Variants in GOT1 observed in about 807,000 individuals in gnomAD.
The protein encoded by GOT1 is aspartate aminotransferase, cytoplasmic.
Under a neutral mutation model 48.2 loss-of-function variants are expected in GOT1, and 25 were observed. The observed-to-expected ratio is 0.52, with a 90% CI of 0.38 to 0.72. GOT1 has a LOEUF of 0.72. Ranked by LOEUF, GOT1 falls within the 30% of genes least tolerant of loss-of-function variation. GOT1 has a pLI of 0.00. For missense variants in GOT1, 380 were observed against 520.1 expected, an observed-to-expected ratio of 0.73 and a Z score of 2.62; for synonymous variants, 188 against 193.8, an observed-to-expected ratio of 0.97 and a Z score of 0.25.
intron 5 of GOT1, among the ~76,000 whole-genome samples, chr10:99,404,480 C>T (rs1444467175): frequency 6.6e-6 from 1 of 152,166 alleles, no homozygotes; most frequent in African/African-American, 2.4e-5. Flanking sequence ...GCTCATCCCC[C>T]ACATCCTGGC....
chr10:99,426,259 T>G (rs914195723), intron 1 of GOT1, among the ~76,000 whole-genome samples: 5 of 152,090 alleles, frequency 3.3e-5, no homozygotes, highest in African/African-American at 1.2e-4. Context: ...ACATAAACCC[T>G]TTTAGGGGAG....
Position 99,430,624 on chromosome 10 carries a change from T to A in GOT1, c.-59A>T. On this transcript the variant is annotated 5_prime_UTR_variant, in exon 1 of 9. Transcript: ENST00000370508. ...ACGCCCGGAGCTGGCAGGTCAGGTC[T>A]GGCCGTTGCGACTGGAGGAGACACT... 7.0e-7 allele frequency: 1 copy of A among 1,427,050 alleles called. No individual in the cohort carries two copies. Among genetic ancestry groups the A allele is most frequent in the Non-Finnish European group, 9.5e-7 (1 of 1,048,304 alleles). The allele number at this position is 1,427,050 out of a possible 1,614,324, so 88.4% of individuals were successfully genotyped here.
At chr10:99,414,181 G>A (rs555682448) in intron 2 of GOT1, among the ~76,000 whole-genome samples, 2 of 152,310 alleles carry the variant, frequency 1.3e-5, no homozygotes, top group Admixed American at 6.5e-5. Context: ...TCAGTGTGCT[G>A]TATTCAGGAA....
chr10:99,398,932 A>C (rs1233963439), intron 8 of GOT1, among the ~76,000 whole-genome samples: 1 of 152,322 alleles, frequency 6.6e-6, no homozygotes, highest in African/African-American at 2.4e-5. Context: ...ATTTTCAGGC[A>C]GGATTTCAAG....
intron 1 of GOT1, among the ~76,000 whole-genome samples, chr10:99,429,316 G>A (rs2033083081): frequency 6.6e-6 from 1 of 151,398 alleles, no homozygotes; most frequent in South Asian, 2.1e-4. Flanking sequence ...CCAAAGTGCT[G>A]GGATTACAGG....
chr10:99,429,762 T>G lies in GOT1; in HGVS notation c.118+686A>C, dbSNP rs375321324. Reference sequence around the variant, plus strand: ...GAAGAGAATCACTTGAATCAAGAAATGAAGATAGGATGTGTGGAAAGTAAG... The same window carrying G: ...GAAGAGAATCACTTGAATCAAGAAAGGAAGATAGGATGTGTGGAAAGTAAG... On this transcript the variant is annotated intron_variant, in intron 1 of 8. Coordinates refer to ENST00000370508, the MANE Select transcript of GOT1 (RefSeq NM_002079.3). 5.9e-5 allele frequency among the ~76,000 whole-genome samples: 9 copies of G among 152,276 alleles called. No homozygotes were observed. The South Asian group carries it at 1.7e-3, about 28-fold the overall frequency.
At chr10:99,422,620 A>C (rs756904689) in intron 1 of GOT1, among the ~76,000 whole-genome samples, 1 of 152,056 alleles carries the variant, frequency 6.6e-6, no homozygotes, top group Non-Finnish European at 1.5e-5. Flanking sequence ...CTTATCCTCT[A>C]TCTACCTAGT....
In GOT1 at chr10:99,404,631, G is replaced by A. The variant is rs1470898314; in HGVS notation, c.643-757C>T. On this transcript the variant is annotated intron_variant, in intron 5 of 8. Transcript: ENST00000370508. ...GCAATGGTCTCCTAACTGCTCCCAC[G>A]GCCTGTCTAGTCTTGCCTCTCTCTG... 3.3e-5 allele frequency among the ~76,000 whole-genome samples: 5 copies of A among 151,962 alleles called. No homozygotes were observed. The East Asian group carries it at 5.8e-4, about 18-fold the overall frequency.
rs1320475886 is a variant in GOT1 at position 99,405,740 on chromosome 10, C to G, written c.642+16G>C. The stretch of plus-strand genomic sequence containing the variant: ...TATATACTATTTTTTAAGAGATGCT[C>G]TGAAGGGGCAGTTACCTTCATGACA... On this transcript the variant is annotated intron_variant, in intron 5 of 8. Transcript: ENST00000370508. 8.4e-7 allele frequency: 1 copy of G among 1,196,444 alleles called. No homozygotes were observed. Among genetic ancestry groups the G allele is most frequent in the South Asian group, 1.2e-5 (1 of 82,796 alleles). 74.1% of individuals were successfully genotyped at this position (1,196,444 alleles called of 1,614,324 possible).
chr10:99,427,514 C>T (rs1181331732), intron 1 of GOT1, among the ~76,000 whole-genome samples: 1 of 152,190 alleles, frequency 6.6e-6, no homozygotes, highest in Non-Finnish European at 1.5e-5. Flanking sequence ...CGTGATCCGC[C>T]CGCCTCGGCC....
intron 1 of GOT1, among the ~76,000 whole-genome samples, chr10:99,427,487 T>C (rs1207504951): frequency 6.6e-6 from 1 of 152,166 alleles, no homozygotes; most frequent in Non-Finnish European, 1.5e-5. Context: ...GCCAGGATGG[T>C]CTCAATCTCC....
chr10:99,415,126 C>T (rs1174002422), intron 2 of GOT1, among the ~76,000 whole-genome samples: 1 of 152,080 alleles, frequency 6.6e-6, no homozygotes, highest in Non-Finnish European at 1.5e-5. Flanking sequence ...ACACAAAAAA[C>T]CCTTCAAAAA....
At chr10:99,403,412 G>A (rs2032710094) in intron 7 of GOT1, 57 bp downstream of exon 7, 1 of 1,377,444 alleles carries the variant, frequency 7.3e-7, no homozygotes. Flanking sequence ...AATGTACTGG[G>A]ACAATTACTG....
intron 2 of GOT1, among the ~76,000 whole-genome samples, chr10:99,419,997 T>A (rs564573430): frequency 1.3e-5 from 2 of 152,142 alleles, no homozygotes; most frequent in Non-Finnish European, 2.9e-5. Context: ...AAATGATAGG[T>A]GCTGAGATCA....
intron 2 of GOT1, among the ~76,000 whole-genome samples, chr10:99,408,868 TA>T (rs939767860): frequency 6.6e-6 from 1 of 152,202 alleles, no homozygotes; most frequent in Admixed American, 6.5e-5. Context: ...AAGATGAATG[TA>T]TTCATGTATT....
At chr10:99,419,667 C>A (rs892316982) in intron 2 of GOT1, among the ~76,000 whole-genome samples, 12 of 152,152 alleles carry the variant, frequency 7.9e-5, no homozygotes, top group African/African-American at 2.9e-4. Context: ...AAGGGTGGTG[C>A]CTCCAAGATT....
At chr10:99,423,144 C>T (rs909576660) in intron 1 of GOT1, among the ~76,000 whole-genome samples, 7 of 152,172 alleles carry the variant, frequency 4.6e-5, no homozygotes, top group Non-Finnish European at 8.8e-5. Context: ...TCCACACAGC[C>T]TTACGCACTG....
chr10:99,408,459 G>A (rs573236065), intron 2 of GOT1, among the ~76,000 whole-genome samples: 151 of 152,356 alleles, frequency 9.9e-4, no homozygotes, highest in African/African-American at 3.3e-3. Flanking sequence ...GCTCACGCCT[G>A]TAATCCCAGC....
At chr10:99,416,894 G>A (rs1238866751) in intron 2 of GOT1, among the ~76,000 whole-genome samples, 5 of 152,152 alleles carry the variant, frequency 3.3e-5, no homozygotes, top group Admixed American at 6.5e-5. Flanking sequence ...AGCTGAAACT[G>A]GATCCCTTCC....
Sources: gnomAD v4.1 joint callset for allele counts (sites outside exome capture counted in the v4.1 genomes callset) on GRCh38, gnomAD v4.1.1 for gene constraint, MANE v1.5 for transcripts, NCBI Gene and HGNC (gene_info 2026-07-23, HGNC 2026-07-21) for gene names.